Variants in RFX7 observed in about 807,000 individuals in gnomAD.
RFX7 encodes the protein DNA-binding protein RFX7.
Under a neutral mutation model 111.8 loss-of-function variants are expected in RFX7, and 26 were observed. The ratio of observed to expected loss-of-function variants is 0.23; its 90% CI spans 0.17 to 0.32. The LOEUF is 0.32. Among genes scored for constraint, RFX7 ranks in the 10% least tolerant of loss-of-function variants. The pLI is 1.00. For missense variants in RFX7, 1,573 were observed against 1,772.9 expected, an observed-to-expected ratio of 0.89 and a Z score of 2.02; for synonymous variants, 624 against 624.4, an observed-to-expected ratio of 1.00 and a Z score of 0.01.
chr15:56,161,718 G>C (rs1315048169), intron 3 of RFX7, among the ~76,000 whole-genome samples: 1 of 152,116 alleles, frequency 6.6e-6, no homozygotes, highest in Non-Finnish European at 1.5e-5. Context: ...AGAAAGTACC[G>C]TAGTATCATA....
At position 56,183,721 on chromosome 15, in the gene RFX7, A is replaced by G. The variant is rs143774850; in HGVS notation, c.162-4418T>C. Among the ~76,000 whole-genome samples the G allele has an allele frequency of 1.4e-4, 22 of 152,230 alleles. No individual in the cohort carries two copies. The East Asian group carries it at 2.5e-3, about 17-fold the overall frequency. Reference sequence around the variant, plus strand: ...TTTGTTTTTCCAGGTGAATTTTTCAATCGGGTTTTCTAATTTCACAACAGT... The same window carrying G: ...TTTGTTTTTCCAGGTGAATTTTTCAGTCGGGTTTTCTAATTTCACAACAGT... On this transcript the variant is annotated intron_variant, in intron 2 of 9. Transcript: ENST00000559447.
chr15:56,212,341 A>T (rs2043320891), intron 2 of RFX7, among the ~76,000 whole-genome samples: 1 of 152,196 alleles, frequency 6.6e-6, no homozygotes, highest in African/African-American at 2.4e-5. Context: ...GTGGTTGCCA[A>T]GGGTTAGAGG....
At chr15:56,214,310 T>C (rs570529020) in intron 2 of RFX7, among the ~76,000 whole-genome samples, 1 of 150,956 alleles carries the variant, frequency 6.6e-6, no homozygotes, top group African/African-American at 2.4e-5. Context: ...TCATTGAATT[T>C]ATAAATATAT....
At chr15:56,126,153 G>A (rs1322260060) in intron 5 of RFX7, among the ~76,000 whole-genome samples, 4 of 152,104 alleles carry the variant, frequency 2.6e-5, no homozygotes, top group Non-Finnish European at 5.9e-5. Context: ...TCAACATTTA[G>A]GGATTTAAAT....
intron 2 of RFX7, among the ~76,000 whole-genome samples, chr15:56,202,716 A>T (rs1228844743): frequency 6.6e-6 from 1 of 152,188 alleles, no homozygotes; most frequent in East Asian, 1.9e-4. Context: ...GGATGCTGAG[A>T]CAGGAGGATG....
At chr15:56,225,379 T>C (rs1163889405) in intron 2 of RFX7, among the ~76,000 whole-genome samples, 1 of 152,200 alleles carries the variant, frequency 6.6e-6, no homozygotes, top group African/African-American at 2.4e-5. Flanking sequence ...ATTGTCTTCA[T>C]TATGGAAAGC....
intron 5 of RFX7, among the ~76,000 whole-genome samples, chr15:56,119,655 T>C (rs2042050220): frequency 6.6e-6 from 1 of 151,664 alleles, no homozygotes; most frequent in African/African-American, 2.4e-5. Flanking sequence ...TGCGTGCCTA[T>C]AGTTCCAGCT....
At chr15:56,131,924 A>G (rs1433999445) in intron 5 of RFX7, among the ~76,000 whole-genome samples, 1 of 152,054 alleles carries the variant, frequency 6.6e-6, no homozygotes, top group Non-Finnish European at 1.5e-5. Context: ...CATAAAAATA[A>G]CAGAAATCTA....
intron 2 of RFX7, chr15:56,192,650 A>T (rs148028977): frequency 0.014 from 2,753 of 202,802 alleles, 34 homozygotes; most frequent in Non-Finnish European, 0.021. Context: ...TAAACCCAGG[A>T]GTGTCCTTGC....
At chr15:56,149,954 C>G (rs1595968020) in intron 3 of RFX7, among the ~76,000 whole-genome samples, 1 of 151,188 alleles carries the variant, frequency 6.6e-6, no homozygotes, top group African/African-American at 2.4e-5. Flanking sequence ...AAACTAAGAT[C>G]CGCTGGCTTG....
intron 5 of RFX7, among the ~76,000 whole-genome samples, chr15:56,127,363 A>G (rs1313130179): frequency 6.6e-6 from 1 of 151,458 alleles, no homozygotes; most frequent in Non-Finnish European, 1.5e-5. Context: ...TGCCTACATT[A>G]AAAAAGAAGA....
intron 5 of RFX7, among the ~76,000 whole-genome samples, chr15:56,113,870 T>C (rs1244311688): frequency 6.6e-6 from 1 of 152,166 alleles, no homozygotes; most frequent in Non-Finnish European, 1.5e-5. Context: ...TATGGGAATT[T>C]TGGGAGGTCC....
intron 2 of RFX7, among the ~76,000 whole-genome samples, chr15:56,233,127 T>C (rs1290191664): frequency 2.0e-5 from 3 of 152,288 alleles, no homozygotes; most frequent in Non-Finnish European, 4.4e-5. Flanking sequence ...GATAAAGACA[T>C]ACCCGAGACT....
At chr15:56,224,900 T>TTC (rs1308482332) in intron 2 of RFX7, among the ~76,000 whole-genome samples, 5 of 152,064 alleles carry the variant, frequency 3.3e-5, no homozygotes, top group Non-Finnish European at 7.4e-5. Flanking sequence ...GGCTAATTTA[T>TTC]TCTCTCTCTC....
intron 3 of RFX7, among the ~76,000 whole-genome samples, chr15:56,163,869 T>C (rs1483725846): frequency 6.6e-6 from 1 of 152,210 alleles, no homozygotes; most frequent in African/African-American, 2.4e-5. Flanking sequence ...TATCCTCATA[T>C]GTACCATTAT....
chr15:56,242,450 T>A (rs927033358), intron 2 of RFX7, among the ~76,000 whole-genome samples: 9 of 152,140 alleles, frequency 5.9e-5, no homozygotes, highest in Non-Finnish European at 1.2e-4. Flanking sequence ...TGGTTTCTTT[T>A]AAAAAGACAT....
chr15:56,220,800 T>C (rs1300477363), intron 2 of RFX7, among the ~76,000 whole-genome samples: 5 of 152,336 alleles, frequency 3.3e-5, no homozygotes, highest in East Asian at 3.9e-4. Context: ...CCAGGGTTTT[T>C]ATAGTTTTAG....
intron 5 of RFX7, among the ~76,000 whole-genome samples, chr15:56,127,325 T>A (rs1488769050): frequency 6.6e-6 from 1 of 151,312 alleles, no homozygotes; most frequent in Non-Finnish European, 1.5e-5. Context: ...GTCAAAGAAG[T>A]GCTTAGCAGG....
chr15:56,206,592 G>C (rs1328200416), intron 2 of RFX7, among the ~76,000 whole-genome samples: 1 of 152,090 alleles, frequency 6.6e-6, no homozygotes, highest in Admixed American at 6.6e-5. Context: ...TCAAGATATG[G>C]AATCAACCTA....
Sources: allele counts gnomAD v4.1 joint callset (sites outside exome capture counted in the v4.1 genomes callset), GRCh38; gene constraint gnomAD v4.1.1; transcripts MANE v1.5; gene names NCBI Gene and HGNC (gene_info 2026-07-23, HGNC 2026-07-21).